CNTNAP4: variants seen among roughly 807,000 people sequenced by gnomAD.
The protein encoded by CNTNAP4 is contactin associated protein family member 4, also known as contactin-associated protein-like 4.
CNTNAP4 carries 98 observed loss-of-function variants against 148.4 expected under a neutral mutation model. That is an observed-to-expected ratio of 0.66 (90% CI 0.56 to 0.78). The LOEUF is 0.78. Among genes scored for constraint, CNTNAP4 ranks in the 30% least tolerant of loss-of-function variants. The probability of loss-of-function intolerance (pLI) is 0.00; values close to 1 mark genes in which losing one functional copy is unlikely to be tolerated. For synonymous variants in CNTNAP4, 730 were observed against 565.1 expected (o/e 1.29, Z -4.14); for missense variants, 1,935 against 1,565.6 (o/e 1.24, Z -3.98).
intron 10 of CNTNAP4, among the ~76,000 whole-genome samples, chr16:76,475,376 A>G (rs1296082337): frequency 6.6e-6 from 1 of 152,178 alleles, no homozygotes; most frequent in Non-Finnish European, 1.5e-5. Flanking sequence ...GATGTTGAGT[A>G]TGACAGATAT....
intron 3 of CNTNAP4, among the ~76,000 whole-genome samples, chr16:76,390,512 C>G (rs2016881728): frequency 6.6e-6 from 1 of 151,458 alleles, no homozygotes; most frequent in Non-Finnish European, 1.5e-5. Flanking sequence ...GCGTTCACAG[C>G]CAGGGAATCT....
chr16:76,536,965 G>T (rs920704463), intron 18 of CNTNAP4, among the ~76,000 whole-genome samples: 5 of 152,122 alleles, frequency 3.3e-5, no homozygotes, highest in African/African-American at 1.2e-4. Flanking sequence ...TACAAAGAAA[G>T]CATGGGATGA....
chr16:76,457,292 A>G (rs2080772487), intron 8 of CNTNAP4, among the ~76,000 whole-genome samples: 1 of 152,312 alleles, frequency 6.6e-6, no homozygotes, highest in East Asian at 1.9e-4. Context: ...TTAAAGGGAC[A>G]TTTTGTGATT....
chr16:76,324,283 A>C (rs1962739419), intron 2 of CNTNAP4, among the ~76,000 whole-genome samples: 1 of 152,240 alleles, frequency 6.6e-6, no homozygotes. Flanking sequence ...ACAAAATTAA[A>C]CATTATCACT....
At chr16:76,443,219 C>T (rs181011850) in intron 4 of CNTNAP4, among the ~76,000 whole-genome samples, 3 of 152,174 alleles carry the variant, frequency 2.0e-5, no homozygotes, top group Non-Finnish European at 1.5e-5. Context: ...AATTCTTATT[C>T]TTCCTTTCAG....
chr16:76,520,850 T>G (rs560158011), intron 15 of CNTNAP4, among the ~76,000 whole-genome samples: 2 of 152,294 alleles, frequency 1.3e-5, no homozygotes, highest in Admixed American at 1.3e-4. Flanking sequence ...GATATACTAT[T>G]GAGGCTGAGG....
rs183947670 is a variant in CNTNAP4, at chr16:76,350,102, G to A, written c.197-5216G>A. Among the ~76,000 whole-genome samples the A allele has an allele frequency of 6.6e-5, 10 of 151,950 alleles. No homozygotes were observed. The East Asian group carries it at 1.6e-3, about 24-fold the overall frequency. On this transcript the variant is annotated intron_variant, in intron 2 of 23. Transcript: ENST00000611870. ...TCTTAAACATGATTCAGCCAGCCAG[G>A]TAATTTATAATTAAATCACACAGAA...
At chr16:76,389,689 C>T (rs1015281745) in intron 3 of CNTNAP4, among the ~76,000 whole-genome samples, 18 of 152,008 alleles carry the variant, frequency 1.2e-4, no homozygotes, top group African/African-American at 2.9e-4. Flanking sequence ...CTTGAACTCC[C>T]GGTGCTGAAT....
chr16:76,475,843 G>A, intron 10 of CNTNAP4, 96 bp from the exon 11 acceptor site: 1 of 755,096 alleles, frequency 1.3e-6, no homozygotes, highest in Non-Finnish European at 2.3e-6. Context: ...TTATGTTATA[G>A]TTGACATCTG....
chr16:76,472,405 T>C (rs1469224696), intron 10 of CNTNAP4, among the ~76,000 whole-genome samples: 1 of 152,030 alleles, frequency 6.6e-6, no homozygotes, highest in African/African-American at 2.4e-5. Context: ...AGAAATAACA[T>C]ATGTATCACA....
intron 15 of CNTNAP4, among the ~76,000 whole-genome samples, chr16:76,519,242 T>A (rs2083367347): frequency 6.6e-6 from 1 of 152,150 alleles, no homozygotes. Context: ...AAATAGACAT[T>A]ATTATGTATA....
intron 3 of CNTNAP4, among the ~76,000 whole-genome samples, chr16:76,425,229 T>C (rs1004526288): frequency 4.6e-5 from 7 of 152,132 alleles, no homozygotes; most frequent in Non-Finnish European, 1.5e-5. Context: ...GGGGAGCAGT[T>C]TTCTGGCCTT....
intron 3 of CNTNAP4, among the ~76,000 whole-genome samples, chr16:76,402,124 G>C (rs1325159825): frequency 1.3e-5 from 2 of 152,152 alleles, no homozygotes; most frequent in African/African-American, 4.8e-5. Flanking sequence ...AATGGTACCA[G>C]CTCTTCTTTG....
intron 15 of CNTNAP4, among the ~76,000 whole-genome samples, chr16:76,499,577 T>C (rs1403171571): frequency 6.6e-6 from 1 of 151,744 alleles, no homozygotes; most frequent in East Asian, 1.9e-4. Context: ...ATTTTAGTAT[T>C]TATTGATCAT....
intron 2 of CNTNAP4, among the ~76,000 whole-genome samples, chr16:76,346,900 C>T (rs959492650): frequency 6.6e-6 from 1 of 152,070 alleles, no homozygotes; most frequent in South Asian, 2.1e-4. Flanking sequence ...TCTGGCAATA[C>T]AAGAAGTAAG....
In CNTNAP4 at chr16:76,507,170, T is replaced by C. The variant is rs558953204; in HGVS notation, c.2365+8476T>C. Among the ~76,000 whole-genome samples the C allele has an allele frequency of 7.0e-5, 6 of 86,226 alleles. 3 individuals are homozygous for C. Among genetic ancestry groups the C allele is most frequent in the Non-Finnish European group, 1.9e-4 (6 of 32,412 alleles). 56.6% of individuals were successfully genotyped at this position (86,226 alleles called of 152,430 possible). A position where few individuals can be genotyped will look rare whatever the true frequency, so the allele number is the denominator to read the frequency against. ...AGGCATGCAATGTGTAATAATCACA[T>C]CATGGAAAATTGGGTATTCACCCCT... On this transcript the variant is annotated intron_variant, in intron 15 of 23. Transcript: ENST00000611870.
intron 4 of CNTNAP4, among the ~76,000 whole-genome samples, chr16:76,437,937 A>G (rs568255597): frequency 1.8e-3 from 280 of 152,290 alleles, no homozygotes; most frequent in Non-Finnish European, 3.3e-3. Flanking sequence ...CCATAAAATT[A>G]TAAGTGTTAA....
intron 1 of CNTNAP4, among the ~76,000 whole-genome samples, chr16:76,306,637 T>C (rs1453600609): frequency 6.6e-6 from 1 of 152,192 alleles, no homozygotes; most frequent in Non-Finnish European, 1.5e-5. Context: ...CAGTGCTTGA[T>C]ACGAAGATTT....
intron 2 of CNTNAP4, among the ~76,000 whole-genome samples, chr16:76,333,917 C>T (rs1963782692): frequency 6.6e-6 from 1 of 151,390 alleles, no homozygotes; most frequent in South Asian, 2.1e-4. Flanking sequence ...TCTACAGCAC[C>T]TGTTGTTTCC....
Sources: allele counts gnomAD v4.1 joint callset (sites outside exome capture counted in the v4.1 genomes callset), GRCh38; gene constraint gnomAD v4.1.1; transcripts MANE v1.5; gene names NCBI Gene and HGNC (gene_info 2026-07-23, HGNC 2026-07-21).